The following RGS12 variants were observed in gnomAD, a reference collection of about 807,000 sequenced individuals.
The protein encoded by RGS12 is regulator of G protein signaling 12, also known as regulator of G-protein signaling 12.
In RGS12, 66 loss-of-function variants were observed where a neutral mutation model predicts 120.1. The observed-to-expected ratio is 0.55, with a 90% CI of 0.45 to 0.67. The LOEUF (loss-of-function observed/expected upper bound fraction) is 0.67, where lower values mean the gene tolerates loss of function less well. Among genes scored for constraint, RGS12 ranks in the 30% least tolerant of loss-of-function variants. RGS12 has a pLI of 0.00. For synonymous variants in RGS12, 827 were observed against 804.7 expected (o/e 1.03, Z -0.47); for missense variants, 1,859 against 1,957.7 (o/e 0.95, Z 0.95).
intron 6 of RGS12, among the ~76,000 whole-genome samples, chr4:3,415,624 C>T (rs1270170982): frequency 1.3e-5 from 2 of 152,190 alleles, no homozygotes; most frequent in Non-Finnish European, 2.9e-5. Context: ...TTCCAGGCTT[C>T]GGGGCTGCTT....
At chr4:3,417,152 G>C (rs1337904689) in intron 8 of RGS12, 60 bp downstream of exon 8, 2 of 1,483,964 alleles carry the variant, frequency 1.3e-6, no homozygotes, top group Non-Finnish European at 1.8e-6. Flanking sequence ...GCTGAGAGCT[G>C]TTCTGTGGGG....
chr4:3,408,313 C>T (rs1261342515), intron 4 of RGS12, among the ~76,000 whole-genome samples: 4 of 152,194 alleles, frequency 2.6e-5, no homozygotes, highest in Admixed American at 2.0e-4. Flanking sequence ...AACTCCAGAG[C>T]ACATGAAAGT....
intron 2 of RGS12, among the ~76,000 whole-genome samples, chr4:3,333,534 A>T (rs547784750): frequency 6.6e-6 from 1 of 152,336 alleles, no homozygotes; most frequent in African/African-American, 2.4e-5. Flanking sequence ...TTATGAAAAG[A>T]ATCAGGTGAG....
chr4:3,430,897 C>T lies in RGS12; in HGVS notation c.4056C>T (p.Asn1352=). The part of the protein sequence containing the change: ...LMGEGDISSP[N]STLLPPPSTP... Reference sequence around the variant, plus strand: ...GGGAGGGGGACATCAGCAGCCCCAACAGCACCTTGCTGCCGCCGCCCTCCA... The same window carrying T: ...GGGAGGGGGACATCAGCAGCCCCAATAGCACCTTGCTGCCGCCGCCCTCCA... Residue 1352 remains asparagine (N), a synonymous_variant, in exon 17 of 18, where the codon AAC becomes AAT. Transcript: ENST00000336727. 12 of 1,612,832 alleles carry T rather than the reference C, an allele frequency of 7.4e-6. No individual in the cohort carries two copies. Among genetic ancestry groups the T allele is most frequent in the Non-Finnish European group, 9.3e-6 (11 of 1,179,952 alleles).
In RGS12 at chr4:3,428,576, G is replaced by C. The variant is rs1162515799; in HGVS notation, c.3430G>C (p.Gly1144Arg). The C allele has an allele frequency of 2.5e-6, 4 of 1,593,076 alleles. No individual in the cohort carries two copies. The highest frequency in any genetic ancestry group is 3.4e-6 in the Non-Finnish European group (4 of 1,174,206). Residue 1144 changes from glycine to arginine, a missense_variant, in exon 16 of 18, where the codon GGC becomes CGC. By Grantham distance (125) the Gly-to-Arg change is moderately radical (BLOSUM62 -2). Around this residue, in one of 3 missense-constraint regions of RGS12, gnomAD observed 517 missense variants for 488.5 expected, o/e 1.06. Coordinates refer to ENST00000336727, the MANE Select transcript of RGS12 (RefSeq NM_001394154.1). ...HSATGEERTLGKSNSIKIKGE... is the reference protein window; with the variant it reads ...HSATGEERTLRKSNSIKIKGE... ...AATGCAGGGAGAGGAAAGAACACTAGGCAAGTCTAATTCTATTAAAATAAA... is the reference window on the plus strand; with the variant it reads ...AATGCAGGGAGAGGAAAGAACACTACGCAAGTCTAATTCTATTAAAATAAA...
At chr4:3,435,416 T>C (rs1255617713) in intron 17 of RGS12, among the ~76,000 whole-genome samples, 1 of 152,068 alleles carries the variant, frequency 6.6e-6, no homozygotes, top group Admixed American at 6.5e-5. Context: ...CTGATGTGGA[T>C]TGAGACCGCT....
In RGS12 at chr4:3,417,408, C is replaced by T. The variant is rs767454507; in HGVS notation, c.2628C>T (p.Ser876=). 12 of 1,571,488 alleles carry T rather than the reference C, an allele frequency of 7.6e-6. No individual in the cohort carries two copies. Among genetic ancestry groups the T allele is most frequent in the African/African-American group, 6.9e-5 (5 of 72,680 alleles). Residue 876 remains serine (S), a synonymous_variant, in exon 9 of 18, where the codon TCC becomes TCT. Coordinates refer to ENST00000336727, the MANE Select transcript of RGS12 (RefSeq NM_001394154.1). ...TPKKLSGKSK[S]GRSLNEELGD... The stretch of plus-strand genomic sequence containing the variant: ...GACAGTTAAGTGGAAAATCAAAATC[C>T]GGCCGATCCCTGAATGAAGAGCTGG...
At chr4:3,321,365 T>C (rs1725176038) in intron 2 of RGS12, among the ~76,000 whole-genome samples, 2 of 152,076 alleles carry the variant, frequency 1.3e-5, no homozygotes, top group Admixed American at 1.3e-4. Flanking sequence ...GGAAAAACGA[T>C]GTGGGACCCT....
intron 4 of RGS12, 47 bp from the exon 5 acceptor site, chr4:3,414,025 C>G: frequency 1.3e-6 from 2 of 1,483,728 alleles, no homozygotes; most frequent in South Asian, 1.3e-5. Context: ...GTCACTGGGC[C>G]GGGGCGGAGG....
intron 3 of RGS12, chr4:3,370,239 G>A (rs1015603713): frequency 1.2e-6 from 2 of 1,613,430 alleles, no homozygotes; most frequent in Non-Finnish European, 1.7e-6. Flanking sequence ...TCTTAGACCC[G>A]GGTGCCTAGT....
In RGS12 at chr4:3,430,920, C is replaced by T. The variant is rs1458131181; in HGVS notation, c.4079C>T (p.Ser1360Phe). The T allele has an allele frequency of 1.2e-6, 2 of 1,612,822 alleles. No individual in the cohort carries two copies. The highest frequency in any genetic ancestry group is 2.7e-5 in the African/African-American group (2 of 75,054). Reference sequence around the variant, plus strand: ...AACAGCACCTTGCTGCCGCCGCCCTCCACCCCCCAGGAAGTGCCAGGACCT... The same window carrying T: ...AACAGCACCTTGCTGCCGCCGCCCTTCACCCCCCAGGAAGTGCCAGGACCT... ...SPNSTLLPPPSTPQEVPGPSR... is the reference protein window; with the variant it reads ...SPNSTLLPPPFTPQEVPGPSR... The change falls in exon 17 of 18, where the codon TCC becomes TTC. Residue 1360 changes from serine to phenylalanine, a missense_variant. Coordinates refer to ENST00000336727, the MANE Select transcript of RGS12 (RefSeq NM_001394154.1).
chr4:3,433,135 G>T lies in RGS12; in HGVS notation c.4114+2180G>T, dbSNP rs771383715. On this transcript the variant is annotated intron_variant, in intron 17 of 17. Transcript: ENST00000336727. The surrounding 1 kb of genome is among the most constrained non-coding windows in gnomAD (Gnocchi z 4.4). The stretch of plus-strand genomic sequence containing the variant: ...ACATCTGTGGGCCGGGGCGAGCCTG[G>T]ACTGAGTGCTGACCTGTCCGTTTTC... 1.3e-4 allele frequency among the ~76,000 whole-genome samples: 20 copies of T among 152,246 alleles called. No homozygotes were observed. The highest frequency in any genetic ancestry group is 2.4e-4 in the Non-Finnish European group (16 of 68,036).
intron 3 of RGS12, among the ~76,000 whole-genome samples, chr4:3,373,757 G>T (rs1403626483): frequency 6.6e-6 from 1 of 152,196 alleles, no homozygotes; most frequent in Non-Finnish European, 1.5e-5. Flanking sequence ...GTGCAGGAGG[G>T]CCTGGAGTCT....
At chr4:3,338,082 CA>C (rs1208375575) in intron 2 of RGS12, among the ~76,000 whole-genome samples, 1 of 152,178 alleles carries the variant, frequency 6.6e-6, no homozygotes, top group Non-Finnish European at 1.5e-5. Context: ...TTGTTTTAGA[CA>C]GAGTTTTGCT....
At chr4:3,398,861 AT>A (rs1720307007) in intron 4 of RGS12, among the ~76,000 whole-genome samples, 1 of 152,232 alleles carries the variant, frequency 6.6e-6, no homozygotes, top group African/African-American at 2.4e-5. Context: ...TACGTGGAAC[AT>A]TTACTAAAGT....
chr4:3,410,243 A>T (rs1226498870), intron 4 of RGS12, among the ~76,000 whole-genome samples: 1 of 152,240 alleles, frequency 6.6e-6, no homozygotes, highest in Non-Finnish European at 1.5e-5. Flanking sequence ...CTGGGACCAC[A>T]GGTGCCTGCT....
chr4:3,431,694 G>A (rs191799821), intron 17 of RGS12: 14 of 985,674 alleles, frequency 1.4e-5, no homozygotes, highest in African/African-American at 1.0e-4. Context: ...TCCGAGGGCC[G>A]TGGCCTGCGT....
At chr4:3,307,289 G>A (rs1467370972) in intron 1 of RGS12, among the ~76,000 whole-genome samples, 1 of 152,228 alleles carries the variant, frequency 6.6e-6, no homozygotes, top group South Asian at 2.1e-4. Context: ...ATGAGCCCGC[G>A]CACCGCTGGG....
chr4:3,423,325 G>C (rs1723242420), intron 12 of RGS12, among the ~76,000 whole-genome samples, 190 bp from the exon 13 acceptor site: 1 of 152,224 alleles, frequency 6.6e-6, no homozygotes, highest in Non-Finnish European at 1.5e-5. Context: ...TGGAGGAGGA[G>C]ACCATAGCCC....
Sources: gnomAD v4.1 joint callset for allele counts (sites outside exome capture counted in the v4.1 genomes callset) on GRCh38, gnomAD v4.1.1 for gene constraint, gnomAD v4.1.1 regional missense constraint, Gnocchi (gnomAD v3.1) non-coding constraint, MANE v1.5 for transcripts, NCBI Gene and HGNC (gene_info 2026-07-23, HGNC 2026-07-21) for gene names.